RAI14: variants seen among roughly 807,000 people sequenced by gnomAD.
The protein encoded by RAI14 is ankycorbin.
Under a neutral mutation model 115.4 loss-of-function variants are expected in RAI14, and 45 were observed. The ratio of observed to expected loss-of-function variants is 0.39; its 90% CI spans 0.31 to 0.50. The LOEUF is 0.50. Among genes scored for constraint, RAI14 ranks in the 20% least tolerant of loss-of-function variants. The pLI is 0.85. For missense variants in RAI14, 939 were observed against 1,131.2 expected, an observed-to-expected ratio of 0.83 and a Z score of 2.44; for synonymous variants, 371 against 415.4, an observed-to-expected ratio of 0.89 and a Z score of 1.30.
intron 3 of RAI14, among the ~76,000 whole-genome samples, chr5:34,759,220 G>A (rs1227444870): frequency 3.3e-5 from 5 of 151,906 alleles, no homozygotes; most frequent in East Asian, 1.9e-4. Context: ...CTGAGACTGC[G>A]CCACTGCACT....
chr5:34,771,026 T>C (rs1021987366), intron 3 of RAI14, among the ~76,000 whole-genome samples: 2 of 152,196 alleles, frequency 1.3e-5, no homozygotes, highest in African/African-American at 4.8e-5. Flanking sequence ...CATGAAGTAT[T>C]TGAGTCTCTT....
At chr5:34,762,993 T>G (rs1748884297) in intron 3 of RAI14, among the ~76,000 whole-genome samples, 1 of 150,670 alleles carries the variant, frequency 6.6e-6, no homozygotes. Flanking sequence ...CTGTATCATT[T>G]TATGTTGCCC....
intron 2 of RAI14, among the ~76,000 whole-genome samples, chr5:34,749,527 G>A (rs970723132): frequency 6.6e-6 from 1 of 152,184 alleles, no homozygotes; most frequent in Non-Finnish European, 1.5e-5. Context: ...AATCCCCAGC[G>A]TTCATCACCC....
intron 7 of RAI14, among the ~76,000 whole-genome samples, chr5:34,809,914 C>T (rs555381005): frequency 6.6e-6 from 1 of 152,224 alleles, no homozygotes; most frequent in South Asian, 2.1e-4. Context: ...ATACCTATCA[C>T]ATGGTTCTGT....
At chr5:34,677,644 A>T (rs1283869908) in intron 1 of RAI14, among the ~76,000 whole-genome samples, 1 of 151,880 alleles carries the variant, frequency 6.6e-6, no homozygotes, top group Non-Finnish European at 1.5e-5. Flanking sequence ...TGGGGATCTC[A>T]CTATGTTGCC....
intron 2 of RAI14, among the ~76,000 whole-genome samples, chr5:34,718,672 G>A (rs1294360922): frequency 1.3e-5 from 2 of 152,206 alleles, no homozygotes; most frequent in East Asian, 1.9e-4. Context: ...TTTGGGTCAG[G>A]CAGAGAGGGG....
In RAI14 at chr5:34,662,892, C is replaced by G. The variant is rs1188424174; in HGVS notation, c.-49+6417C>G. Reference sequence around the variant, plus strand: ...TGCAGGTACATGCCACCATGCCCGGCTGATTTTTGTATTTTTAGTAGAGAT... The same window carrying G: ...TGCAGGTACATGCCACCATGCCCGGGTGATTTTTGTATTTTTAGTAGAGAT... On this transcript the variant is annotated intron_variant, in intron 1 of 17. Coordinates refer to ENST00000265109, the MANE Select transcript of RAI14 (RefSeq NM_015577.3). 2.6e-5 allele frequency among the ~76,000 whole-genome samples: 4 copies of G among 151,752 alleles called. No individual in the cohort carries two copies. In the East Asian group the frequency reaches 7.8e-4, roughly 30 times the overall value.
At chr5:34,816,232 C>CT (rs1756206123) in intron 12 of RAI14, among the ~76,000 whole-genome samples, 1 of 152,082 alleles carries the variant, frequency 6.6e-6, no homozygotes, top group Admixed American at 6.6e-5. Flanking sequence ...TATCTTGCAA[C>CT]TTTTTTATAA....
intron 2 of RAI14, among the ~76,000 whole-genome samples, chr5:34,739,600 G>A (rs1385018851): frequency 1.3e-5 from 2 of 152,184 alleles, no homozygotes; most frequent in Non-Finnish European, 2.9e-5. Context: ...AGGAAAAGTT[G>A]TGAAAGCTGG....
At chr5:34,787,931 T>G (rs900180911) in intron 3 of RAI14, among the ~76,000 whole-genome samples, 1 of 127,266 alleles carries the variant, frequency 7.9e-6, no homozygotes, top group Non-Finnish European at 1.6e-5. Flanking sequence ...TTTTTTTTTT[T>G]TTGAGACAGG....
At chr5:34,797,555 AC>A (rs772900946) in intron 4 of RAI14, among the ~76,000 whole-genome samples, 3 of 152,192 alleles carry the variant, frequency 2.0e-5, no homozygotes, top group Non-Finnish European at 2.9e-5. Flanking sequence ...GATTGAAATA[AC>A]AGAATGATTT....
chr5:34,691,835 A>C (rs754004379), intron 2 of RAI14, among the ~76,000 whole-genome samples: 4 of 152,188 alleles, frequency 2.6e-5, no homozygotes, highest in Non-Finnish European at 4.4e-5. Context: ...TGAGAGATTA[A>C]ATTGATGGTA....
chr5:34,805,072 A>C (rs563049803), intron 5 of RAI14, among the ~76,000 whole-genome samples: 1 of 152,322 alleles, frequency 6.6e-6, no homozygotes, highest in African/African-American at 2.4e-5. Flanking sequence ...GGAATCTTTG[A>C]AGCCTTTAAA....
intron 2 of RAI14, among the ~76,000 whole-genome samples, chr5:34,737,580 T>C (rs1467692536): frequency 1.5e-5 from 2 of 132,712 alleles, no homozygotes; most frequent in Admixed American, 7.6e-5. Context: ...AACACAGACC[T>C]CATCTCTACA....
At chr5:34,776,800 C>CG (rs1402880203) in intron 3 of RAI14, among the ~76,000 whole-genome samples, 28,699 of 147,204 alleles carry the variant, frequency 0.19, 4,157 homozygotes, top group Non-Finnish European at 0.29. Flanking sequence ...GAGTGAGACC[C>CG]TTTATTAAAA....
chr5:34,773,884 C>G (rs1028375819), intron 3 of RAI14, among the ~76,000 whole-genome samples: 4 of 152,174 alleles, frequency 2.6e-5, no homozygotes, highest in African/African-American at 9.7e-5. Flanking sequence ...CCAGCACTTC[C>G]ACAACTGGGT....
At chr5:34,781,606 G>T (rs1751654598) in intron 3 of RAI14, among the ~76,000 whole-genome samples, 2 of 152,180 alleles carry the variant, frequency 1.3e-5, no homozygotes, top group South Asian at 4.1e-4. Flanking sequence ...GCTTGGCTAG[G>T]ATGTGGAGAA....
rs939522290 is a variant in RAI14, at chr5:34,826,358, A to G, written c.2678A>G (p.Lys893Arg). Residue 893 changes from lysine (K) to arginine (R), a missense_variant, in exon 16 of 18, where the codon AAA becomes AGA. By Grantham distance (26) the Lys-to-Arg change is conservative. Coordinates refer to ENST00000265109, the MANE Select transcript of RAI14 (RefSeq NM_015577.3). ...KINEMSKEVT[K>R]LKEALNSLSQ... Reference sequence around the variant, plus strand: ...AATGAGATGTCGAAGGAAGTCACCAAATTGAAGGAGGCCTTGAACAGCCTC... The same window carrying G: ...AATGAGATGTCGAAGGAAGTCACCAGATTGAAGGAGGCCTTGAACAGCCTC... 3.7e-6 allele frequency: 6 copies of G among 1,613,864 alleles called. No homozygotes were observed. In the African/African-American group the frequency reaches 8.0e-5, roughly 22 times the overall value.
chr5:34,789,675 C>G (rs553623462), intron 3 of RAI14, among the ~76,000 whole-genome samples: 1 of 152,264 alleles, frequency 6.6e-6, no homozygotes, highest in Non-Finnish European at 1.5e-5. Context: ...TGAAACAATC[C>G]CTTTTATCAA....
Sources: gnomAD v4.1 joint callset for allele counts (sites outside exome capture counted in the v4.1 genomes callset) on GRCh38, gnomAD v4.1.1 for gene constraint, MANE v1.5 for transcripts, NCBI Gene and HGNC (gene_info 2026-07-23, HGNC 2026-07-21) for gene names.